NCOA2: variants seen among roughly 807,000 people sequenced by gnomAD.
The protein encoded by NCOA2 is nuclear receptor coactivator 2, also known as class E basic helix-loop-helix protein 75.
In NCOA2, 21 loss-of-function variants were observed where a neutral mutation model predicts 145.1. The observed-to-expected ratio is 0.14, with a 90% CI of 0.10 to 0.21. NCOA2 has a LOEUF of 0.21. Ranked by LOEUF, NCOA2 falls within the 10% of genes least tolerant of loss-of-function variation. NCOA2 has a pLI of 1.00. For synonymous variants in NCOA2, 619 were observed against 637.5 expected (o/e 0.97, Z 0.44); for missense variants, 1,472 against 1,837.6 (o/e 0.80, Z 3.64).
chr8:70,158,813 G>C (rs1006497490), intron 10 of NCOA2, among the ~76,000 whole-genome samples: 9 of 152,056 alleles, frequency 5.9e-5, no homozygotes, highest in African/African-American at 2.2e-4. Flanking sequence ...TAAACACACA[G>C]GAGCAGAAAT....
intron 1 of NCOA2, among the ~76,000 whole-genome samples, chr8:70,327,733 G>C (rs1357940199): frequency 1.3e-5 from 2 of 152,142 alleles, no homozygotes; most frequent in Non-Finnish European, 2.9e-5. Context: ...TCACACAGTA[G>C]ATATTATGAT....
At chr8:70,288,195 T>G (rs1826384118) in intron 2 of NCOA2, among the ~76,000 whole-genome samples, 1 of 152,222 alleles carries the variant, frequency 6.6e-6, no homozygotes, top group African/African-American at 2.4e-5. Context: ...ACAATAGGCA[T>G]GCTAGCTATT....
chr8:70,157,216 A>G lies in NCOA2; in HGVS notation c.1149T>C (p.Asn383=). 6.4e-7 allele frequency: 1 copy of G among 1,567,004 alleles called. No individual in the cohort carries two copies. The highest frequency in any genetic ancestry group is 1.2e-5 in the South Asian group (1 of 84,074). ...LHREQNVCVM[N]PDLTGQTMGK... ...CCATCGTTTGTCCAGTCAGATCCGG[A>G]TTCATCACACACACATTCTGCTCTC... Residue 383 remains asparagine (N), a synonymous_variant, in exon 11 of 23, where the codon AAT becomes AAC. Coordinates refer to ENST00000452400, the MANE Select transcript of NCOA2 (RefSeq NM_006540.4).
intron 12 of NCOA2, among the ~76,000 whole-genome samples, chr8:70,145,349 G>A (rs1368737684): frequency 3.0e-4 from 4 of 13,432 alleles, no homozygotes; most frequent in African/African-American, 2.0e-3. Context: ...TTTTTGAGAC[G>A]GAGTCTCGCT....
At chr8:70,127,567 G>A (rs1165970779) in intron 18 of NCOA2, among the ~76,000 whole-genome samples, 1 of 152,132 alleles carries the variant, frequency 6.6e-6, no homozygotes, top group Admixed American at 6.6e-5. Context: ...AGGGTGGAGA[G>A]GGAGGAAAGG....
rs11988743 is a variant in NCOA2 at position 70,116,525 on chromosome 8, T to A, written c.4384-2882A>T. Among the ~76,000 whole-genome samples, 1,430 of 151,610 alleles carry A rather than the reference T, an allele frequency of 9.4e-3. 23 individuals are homozygous for A. Among genetic ancestry groups the A allele is most frequent in the African/African-American group, 0.032 (1,332 of 41,282 alleles). ...AAGATCGCGCCACTGCACTCTAGCC[T>A]GGTCGACACAGAGTCCGTCTCAAAA... On this transcript the variant is annotated intron_variant, in intron 22 of 22. Transcript: ENST00000452400.
chr8:70,446,456 T>G, the NCOA2 span, among the ~76,000 whole-genome samples: 5 of 152,198 alleles, frequency 3.3e-5, no homozygotes, highest in African/African-American at 1.2e-4. Flanking sequence ...GATTCTTTCT[T>G]TTGTTTCCCT....
chr8:70,165,035 GTTAAC>G (rs1813453344), intron 7 of NCOA2, among the ~76,000 whole-genome samples: 3 of 152,244 alleles, frequency 2.0e-5, no homozygotes, highest in South Asian at 4.1e-4. Flanking sequence ...GCTATACTGT[GTTAAC>G]TTAACATAGA....
intron 2 of NCOA2, among the ~76,000 whole-genome samples, chr8:70,227,990 G>A: frequency 7.6e-6 from 1 of 131,500 alleles, no homozygotes; most frequent in African/African-American, 2.9e-5. Context: ...GGGCGACAGA[G>A]TGAGACTCCA....
chr8:70,326,944 G>A (rs1056130377), intron 1 of NCOA2, among the ~76,000 whole-genome samples: 20 of 152,240 alleles, frequency 1.3e-4, no homozygotes, highest in African/African-American at 4.6e-4. Flanking sequence ...TTATCTCCTA[G>A]CTTCTCTAGA....
chr8:70,159,012 G>C (rs1055420235), intron 10 of NCOA2, among the ~76,000 whole-genome samples: 4 of 151,076 alleles, frequency 2.6e-5, no homozygotes, highest in African/African-American at 9.7e-5. Context: ...GTTGTTCTTT[G>C]GTTATATGGG....
chr8:70,167,112 CT>C (rs1813701442), intron 6 of NCOA2, among the ~76,000 whole-genome samples: 1 of 152,206 alleles, frequency 6.6e-6, no homozygotes, highest in Non-Finnish European at 1.5e-5. Flanking sequence ...TAGTTTTCTA[CT>C]TTTGCGTCTT....
At chr8:70,420,572 G>A in the NCOA2 span, among the ~76,000 whole-genome samples, 16 of 152,190 alleles carry the variant, frequency 1.1e-4, no homozygotes, top group Admixed American at 8.5e-4. Flanking sequence ...AAGGGAGGTG[G>A]GGAGTTTAAA....
At chr8:70,361,368 G>A (rs959224529) in intron 1 of NCOA2, among the ~76,000 whole-genome samples, 1 of 151,856 alleles carries the variant, frequency 6.6e-6, no homozygotes, top group African/African-American at 2.4e-5. Flanking sequence ...GTGATTGTGG[G>A]TGCCTGTAAT....
At chr8:70,143,847 A>G (rs1274330481) in intron 13 of NCOA2, among the ~76,000 whole-genome samples, 2 of 152,248 alleles carry the variant, frequency 1.3e-5, no homozygotes, top group African/African-American at 4.8e-5. Flanking sequence ...GAGACAGAGG[A>G]AGAAAGCTAT....
chr8:70,247,843 C>T (rs1393392514), intron 2 of NCOA2, among the ~76,000 whole-genome samples: 1 of 152,210 alleles, frequency 6.6e-6, no homozygotes, highest in East Asian at 1.9e-4. Flanking sequence ...TAAGATAATG[C>T]CTTCTGCCAA....
chr8:70,325,079 T>A (rs1806434475), intron 1 of NCOA2, among the ~76,000 whole-genome samples: 1 of 152,228 alleles, frequency 6.6e-6, no homozygotes, highest in African/African-American at 2.4e-5. Flanking sequence ...CCCTTACCAT[T>A]ACTGTTATTC....
intron 2 of NCOA2, among the ~76,000 whole-genome samples, chr8:70,257,127 G>A (rs1438680442): frequency 1.3e-5 from 2 of 152,154 alleles, no homozygotes; most frequent in African/African-American, 4.8e-5. Flanking sequence ...TTTAATTGGG[G>A]CCAAATTAGT....
At chr8:70,404,259 A>T (rs1481664920), upstream of NCOA2, among the ~76,000 whole-genome samples, 1 of 152,238 alleles carries the variant, frequency 6.6e-6, no homozygotes, top group Non-Finnish European at 1.5e-5. Context: ...ATGGGAGGGC[A>T]AAGGGCAATG....
Sources: allele counts gnomAD v4.1 joint callset (sites outside exome capture counted in the v4.1 genomes callset), GRCh38; gene constraint gnomAD v4.1.1; transcripts MANE v1.5; gene names NCBI Gene and HGNC (gene_info 2026-07-23, HGNC 2026-07-21).